CST8: variants seen among roughly 807,000 people sequenced by gnomAD.
CST8 encodes the protein cystatin 8.
CST8 carries 20 observed loss-of-function variants against 11.8 expected under a neutral mutation model. That is an observed-to-expected ratio of 1.70 (90% confidence interval 1.20 to 2.47). The LOEUF is 2.47. Among genes scored for constraint, CST8 ranks in the 30% most tolerant of loss-of-function variants. The pLI is 0.00. For missense variants in CST8, 196 were observed against 167.2 expected, an observed-to-expected ratio of 1.17 and a Z score of -0.95; for synonymous variants, 77 against 63.1, an observed-to-expected ratio of 1.22 and a Z score of -1.05.
chr20:23,498,364 G>C (rs1394857058), downstream of CST8, among the ~76,000 whole-genome samples: 2 of 152,150 alleles, frequency 1.3e-5, no homozygotes, highest in African/African-American at 4.8e-5. Context: ...GAGGCTAATT[G>C]TATCTCCAAT....
chr20:23,502,100 G>T, the CST8 span, among the ~76,000 whole-genome samples: 1 of 152,184 alleles, frequency 6.6e-6, no homozygotes, highest in African/African-American at 2.4e-5. Context: ...GGGCATGGAG[G>T]TAAAAGCCAC....
chr20:23,502,852 A>C, the CST8 span, among the ~76,000 whole-genome samples: 1 of 152,202 alleles, frequency 6.6e-6, no homozygotes, highest in African/African-American at 2.4e-5. Flanking sequence ...GAAAAACTTG[A>C]TATTTTTCTT....
rs2122190108 is a variant in CST8, at chr20:23,493,090, A to G, written c.345+19A>G. 2 of 1,398,136 alleles carry G rather than the reference A, an allele frequency of 1.4e-6. No individual in the cohort carries two copies. Among genetic ancestry groups the G allele is most frequent in the Non-Finnish European group, 2.0e-6 (2 of 983,956 alleles). The allele number at this position is 1,398,136 out of a possible 1,614,324, so 86.6% of individuals were successfully genotyped here. ...GAAAAGGGTAGGTGATGAACCACTC[A>G]TCTGTGACGGCCTAGGCAGCTCTGA... On this transcript the variant is annotated intron_variant, in intron 3 of 3. Transcript: ENST00000246012.
At chr20:23,504,065 A>G in the CST8 span, among the ~76,000 whole-genome samples, 1 of 152,254 alleles carries the variant, frequency 6.6e-6, no homozygotes, top group Non-Finnish European at 1.5e-5. Context: ...GAGGAAAAAA[A>G]GAAACTTTTA....
At chr20:23,499,662 G>T (rs1455969713), downstream of CST8, among the ~76,000 whole-genome samples, 1 of 152,168 alleles carries the variant, frequency 6.6e-6, no homozygotes, top group Non-Finnish European at 1.5e-5. Flanking sequence ...AGGATTCACA[G>T]GGGGGTCCTT....
At chr20:23,504,150 A>G in the CST8 span, among the ~76,000 whole-genome samples, 5 of 152,216 alleles carry the variant, frequency 3.3e-5, no homozygotes, top group African/African-American at 9.7e-5. Flanking sequence ...CACAGCAGCA[A>G]TGTGTCCCTC....
the CST8 span, among the ~76,000 whole-genome samples, chr20:23,505,786 G>A: frequency 6.6e-6 from 1 of 152,088 alleles, no homozygotes; most frequent in East Asian, 1.9e-4. Context: ...GCTGAATCTC[G>A]TGCCCATCCT....
downstream of CST8, among the ~76,000 whole-genome samples, chr20:23,498,676 C>G (rs1209766163): frequency 6.6e-6 from 1 of 152,218 alleles, no homozygotes; most frequent in South Asian, 2.1e-4. Flanking sequence ...TTATGCCCAC[C>G]CTGCTTCCTC....
chr20:23,503,049 T>G, the CST8 span, among the ~76,000 whole-genome samples: 4 of 152,174 alleles, frequency 2.6e-5, no homozygotes, highest in African/African-American at 9.6e-5. Flanking sequence ...CCACGGCAGG[T>G]GTCTAACAGG....
At chr20:23,502,868 G>A in the CST8 span, among the ~76,000 whole-genome samples, 2 of 152,076 alleles carry the variant, frequency 1.3e-5, no homozygotes, top group Non-Finnish European at 2.9e-5. Flanking sequence ...TTCTTTAGTC[G>A]ACCCTAGAAA....
At chr20:23,504,301 C>T in the CST8 span, among the ~76,000 whole-genome samples, 3 of 152,074 alleles carry the variant, frequency 2.0e-5, no homozygotes, top group Non-Finnish European at 2.9e-5. Flanking sequence ...GAGCCAATCA[C>T]CACCCAGAGT....
At chr20:23,505,840 G>T in the CST8 span, among the ~76,000 whole-genome samples, 23 of 152,262 alleles carry the variant, frequency 1.5e-4, no homozygotes, top group African/African-American at 5.5e-4. Context: ...GATCCCAGGT[G>T]GTTTGTGTGC....
In CST8 at chr20:23,491,577, C is replaced by A; in HGVS notation, c.-91C>A. ...TGTGGCTCGAAGATTCTTGAACCCACAGCAGCAGCTGCGGCCACCCCATCC... is the reference window on the plus strand; with the variant it reads ...TGTGGCTCGAAGATTCTTGAACCCAAAGCAGCAGCTGCGGCCACCCCATCC... On this transcript the variant is annotated 5_prime_UTR_variant, in exon 2 of 4. Transcript: ENST00000246012. The A allele has an allele frequency of 1.0e-6, 1 of 970,524 alleles. No individual in the cohort carries two copies. The highest frequency in any genetic ancestry group is 1.5e-5 in the South Asian group (1 of 68,750). 60.1% of individuals were successfully genotyped at this position (970,524 alleles called of 1,614,324 possible).
intron 3 of CST8, among the ~76,000 whole-genome samples, chr20:23,494,603 T>G (rs1987986987): frequency 6.6e-6 from 1 of 152,192 alleles, no homozygotes. Flanking sequence ...GAGATGGCCC[T>G]TGCGGTTTGT....
At chr20:23,501,354 C>A in the CST8 span, among the ~76,000 whole-genome samples, 1 of 152,206 alleles carries the variant, frequency 6.6e-6, no homozygotes, top group East Asian at 1.9e-4. Flanking sequence ...CTATTGCAGT[C>A]TCCATGTGAA....
At chr20:23,496,015 T>C (rs1035433665), downstream of CST8, 10 of 877,246 alleles carry the variant, frequency 1.1e-5, no homozygotes, top group African/African-American at 1.7e-5. Context: ...TCTTCATGCA[T>C]GCCTCTCTGC....
At chr20:23,504,273 A>AT in the CST8 span, among the ~76,000 whole-genome samples, 3 of 152,158 alleles carry the variant, frequency 2.0e-5, no homozygotes, top group African/African-American at 7.2e-5. Flanking sequence ...TCCATACCCT[A>AT]TATAGTTCAA....
At position 23,492,942 on chromosome 20, in the gene CST8, A is replaced by G; in HGVS notation, c.232-16A>G. The G allele has an allele frequency of 7.1e-7, 1 of 1,411,656 alleles. No individual in the cohort carries two copies. The highest frequency in any genetic ancestry group is 1.2e-5 in the South Asian group (1 of 86,580). The allele number at this position is 1,411,656 out of a possible 1,614,324, so 87.4% of individuals were successfully genotyped here. On this transcript the variant is annotated splice_polypyrimidine_tract_variant and intron_variant, in intron 2 of 3. Coordinates refer to ENST00000246012, the MANE Select transcript of CST8 (RefSeq NM_005492.4). ...ACAACTCTTTTGAATAAAATTGCAT[A>G]ATTGCTAACCAACAGGTCACAAATC...
chr20:23,495,169 C>A (rs1600296873), intron 3 of CST8, among the ~76,000 whole-genome samples: 1 of 152,244 alleles, frequency 6.6e-6, no homozygotes. Context: ...GTGTAGAATT[C>A]CATGGTGTAC....
Sources: gnomAD v4.1 joint callset for allele counts (sites outside exome capture counted in the v4.1 genomes callset) on GRCh38, gnomAD v4.1.1 for gene constraint, MANE v1.5 for transcripts, NCBI Gene and HGNC (gene_info 2026-07-23, HGNC 2026-07-21) for gene names.